DLGAP2: variants seen among roughly 807,000 people sequenced by gnomAD.
DLGAP2 encodes the protein DLG associated protein 2, also known as disks large-associated protein 2.
Under a neutral mutation model 100.3 loss-of-function variants are expected in DLGAP2, and 26 were observed. The ratio of observed to expected loss-of-function variants is 0.26; its 90% CI spans 0.19 to 0.36. DLGAP2 has a LOEUF of 0.36. Ranked by LOEUF, DLGAP2 falls within the 10% of genes least tolerant of loss-of-function variation. The pLI is 1.00. For synonymous variants in DLGAP2, 886 were observed against 630.1 expected (o/e 1.41, Z -6.08); for missense variants, 1,858 against 1,453.2 (o/e 1.28, Z -4.53).
At chr8:809,458 G>GTTT (rs11464466) in intron 1 of DLGAP2, among the ~76,000 whole-genome samples, 7 of 145,882 alleles carry the variant, frequency 4.8e-5, no homozygotes, top group Admixed American at 6.8e-5. Context: ...TCTCTGGCAG[G>GTTT]TTTTTTTTTT....
chr8:1,494,738 GAAAGA>G (rs1262762356), intron 3 of DLGAP2, among the ~76,000 whole-genome samples: 3 of 151,816 alleles, frequency 2.0e-5, no homozygotes, highest in Non-Finnish European at 2.9e-5. Context: ...AAAAAAAAAG[GAAAGA>G]AAAGAAAAGA....
intron 2 of DLGAP2, among the ~76,000 whole-genome samples, chr8:1,045,756 G>A (rs933131892): frequency 6.6e-6 from 1 of 152,278 alleles, no homozygotes; most frequent in Admixed American, 6.5e-5. Context: ...TTCACTTTTG[G>A]ATGGGGACAC....
intron 3 of DLGAP2, among the ~76,000 whole-genome samples, chr8:1,462,314 T>C (rs1356269980): frequency 3.8e-5 from 3 of 78,098 alleles, no homozygotes; most frequent in African/African-American, 1.5e-4. Context: ...GGGTGGCATT[T>C]GGGTTGGGAG....
chr8:898,091 C>CA (rs1465191151), intron 1 of DLGAP2, among the ~76,000 whole-genome samples: 1 of 152,196 alleles, frequency 6.6e-6, no homozygotes, highest in East Asian at 1.9e-4. Context: ...TTTGTAAAAA[C>CA]ATGTATCAGG....
At chr8:1,392,917 ACT>A (rs1796406185) in intron 3 of DLGAP2, among the ~76,000 whole-genome samples, 1 of 125,428 alleles carries the variant, frequency 8.0e-6, no homozygotes, top group Non-Finnish European at 1.7e-5. Context: ...AGTCTCTGTG[ACT>A]CTTTTTTTAC....
rs372518180 is a variant in DLGAP2, at chr8:1,169,876, C to A, written c.74-88975C>A. On this transcript the variant is annotated intron_variant, in intron 2 of 14. Transcript: ENST00000637795. ...TTTCCTAATTGAATAACCTTTATTT[C>A]CTTCTCCTGCCTAATTGCCCTGGCT... 3.9e-5 allele frequency among the ~76,000 whole-genome samples: 6 copies of A among 152,006 alleles called. No individual in the cohort carries two copies. The East Asian group carries it at 1.2e-3, about 29-fold the overall frequency.
At position 1,601,954 on chromosome 8, in the gene DLGAP2, G is replaced by GTGTGTT. The variant is rs1320701641; in HGVS notation, c.1443-24781_1443-24780insTTGTGT. Among the ~76,000 whole-genome samples the GTGTGTT allele has an allele frequency of 3.4e-3, 510 of 151,226 alleles. 6 individuals are homozygous for GTGTGTT. Among genetic ancestry groups the GTGTGTT allele is most frequent in the African/African-American group, 0.012 (493 of 41,240 alleles). On this transcript the variant is annotated intron_variant, in intron 6 of 14. Coordinates refer to ENST00000637795, the MANE Select transcript of DLGAP2 (RefSeq NM_001346810.2). Reference sequence around the variant, plus strand: ...AACCTTAATTTAACAGGGTGTGTGTGTGTGTGTGTGTGTGTGTGTGTGTGT... The same window carrying GTGTGTT: ...AACCTTAATTTAACAGGGTGTGTGTGTGTGTTTGTGTGTGTGTGTGTGTGTGTGTGT...
intron 2 of DLGAP2, among the ~76,000 whole-genome samples, chr8:1,238,672 T>C: frequency 8.8e-6 from 1 of 113,278 alleles, no homozygotes; most frequent in Admixed American, 8.7e-5. Flanking sequence ...TAGTTCTCTC[T>C]CACACATAGC....
intron 1 of DLGAP2, among the ~76,000 whole-genome samples, chr8:785,409 C>T (rs1821821794): frequency 6.7e-6 from 1 of 149,600 alleles, no homozygotes; most frequent in African/African-American, 2.4e-5. Context: ...CTCCTCCCCT[C>T]AGGTCTCTCT....
chr8:1,192,914 C>A (rs1035442006), intron 2 of DLGAP2, among the ~76,000 whole-genome samples: 11 of 151,702 alleles, frequency 7.3e-5, no homozygotes, highest in African/African-American at 2.7e-4. Flanking sequence ...TGAGTGAGAA[C>A]ATGCGGTGTT....
At chr8:1,066,681 C>T (rs1204295357) in intron 2 of DLGAP2, among the ~76,000 whole-genome samples, 2 of 152,162 alleles carry the variant, frequency 1.3e-5, no homozygotes, top group Non-Finnish European at 2.9e-5. Context: ...AGGACAGTTC[C>T]CCACCATGGT....
intron 3 of DLGAP2, among the ~76,000 whole-genome samples, chr8:1,295,666 A>G (rs892011413): frequency 5.9e-5 from 9 of 152,182 alleles, no homozygotes; most frequent in African/African-American, 1.9e-4. Context: ...GTAAAAGCCA[A>G]TTTGGATCCT....
chr8:1,704,083 A>G lies in DLGAP2; in HGVS notation c.*2677A>G, dbSNP rs1379012363. The G allele has an allele frequency of 2.0e-5, 3 of 152,648 alleles. No individual in the cohort carries two copies. The highest frequency in any genetic ancestry group is 2.9e-5 in the Non-Finnish European group (2 of 68,030). The allele number at this position is 152,648 out of a possible 1,614,324, so 9.5% of individuals were successfully genotyped here. A position where few individuals can be genotyped will look rare whatever the true frequency, so the allele number is the denominator to read the frequency against. ...AGCCATGTTTCTGTATTGTACATGTAAAGAAAAATAAAACTGTTTATGATA... is the reference window on the plus strand; with the variant it reads ...AGCCATGTTTCTGTATTGTACATGTGAAGAAAAATAAAACTGTTTATGATA... On this transcript the variant is annotated 3_prime_UTR_variant, in exon 15 of 15. Coordinates refer to ENST00000637795, the MANE Select transcript of DLGAP2 (RefSeq NM_001346810.2).
chr8:1,231,888 C>G (rs1378748017), intron 2 of DLGAP2, among the ~76,000 whole-genome samples: 4 of 152,036 alleles, frequency 2.6e-5, no homozygotes, highest in Admixed American at 6.6e-5. Context: ...AGTCATACCC[C>G]CAAATCTCAG....
intron 1 of DLGAP2, among the ~76,000 whole-genome samples, chr8:902,384 C>T (rs985334431): frequency 3.3e-5 from 5 of 149,288 alleles, no homozygotes; most frequent in South Asian, 4.3e-4. Context: ...CAAGGGCAGC[C>T]GGAGGGTTCA....
chr8:1,124,228 C>T (rs142537006), intron 2 of DLGAP2, among the ~76,000 whole-genome samples: 1 of 152,302 alleles, frequency 6.6e-6, no homozygotes, highest in Non-Finnish European at 1.5e-5. Context: ...AAGACAGAAA[C>T]TGAGTCAGCA....
At chr8:1,168,334 A>G (rs1323153602) in intron 2 of DLGAP2, among the ~76,000 whole-genome samples, 1 of 151,920 alleles carries the variant, frequency 6.6e-6, no homozygotes, top group African/African-American at 2.4e-5. Context: ...TAGTGCCGCA[A>G]TAAACATACG....
intron 1 of DLGAP2, among the ~76,000 whole-genome samples, chr8:813,516 C>T (rs900259652): frequency 4.6e-5 from 7 of 152,010 alleles, no homozygotes; most frequent in East Asian, 1.9e-4. Flanking sequence ...TTGAGGTGTG[C>T]GTGTCTTAGA....
At chr8:1,205,159 G>C (rs544985919) in intron 2 of DLGAP2, among the ~76,000 whole-genome samples, 2 of 152,166 alleles carry the variant, frequency 1.3e-5, no homozygotes, top group Non-Finnish European at 2.9e-5. Context: ...AAGGTCCATC[G>C]CGTTTTTTCC....
Sources: gnomAD v4.1 joint callset for allele counts (sites outside exome capture counted in the v4.1 genomes callset) on GRCh38, gnomAD v4.1.1 for gene constraint, MANE v1.5 for transcripts, NCBI Gene and HGNC (gene_info 2026-07-23, HGNC 2026-07-21) for gene names.